CSMD3: variants seen among roughly 807,000 people sequenced by gnomAD.
The protein encoded by CSMD3 is CUB and Sushi multiple domains 3, also known as CUB and sushi domain-containing protein 3.
Under a neutral mutation model 435.2 loss-of-function variants are expected in CSMD3, and 177 were observed. The observed-to-expected ratio is 0.41, with a 90% CI of 0.36 to 0.46. The LOEUF (loss-of-function observed/expected upper bound fraction) is 0.46, where lower values mean the gene tolerates loss of function less well. Ranked by LOEUF, CSMD3 falls within the 20% of genes least tolerant of loss-of-function variation. The probability of loss-of-function intolerance (pLI) is 0.34; values close to 1 mark genes in which losing one functional copy is unlikely to be tolerated. For synonymous variants in CSMD3, 1,656 were observed against 1,520.5 expected, an observed-to-expected ratio of 1.09 and a Z score of -2.07; for missense variants, 4,265 against 4,504.6, an observed-to-expected ratio of 0.95 and a Z score of 1.52.
intron 50 of CSMD3, among the ~76,000 whole-genome samples, chr8:112,308,634 T>A (rs1023397052): frequency 6.6e-6 from 1 of 152,020 alleles, no homozygotes; most frequent in African/African-American, 2.4e-5. Context: ...GAATACAAAG[T>A]GAGTTTCCAC....
intron 4 of CSMD3, among the ~76,000 whole-genome samples, chr8:113,121,306 ATCT>A (rs1272161680): frequency 6.6e-6 from 1 of 152,092 alleles, no homozygotes; most frequent in Non-Finnish European, 1.5e-5. Flanking sequence ...AGGGGGAAGC[ATCT>A]TCTTCTCTTG....
chr8:113,323,599 T>C (rs747506811), intron 1 of CSMD3, among the ~76,000 whole-genome samples: 59 of 152,180 alleles, frequency 3.9e-4, no homozygotes, highest in Non-Finnish European at 4.4e-4. Flanking sequence ...AATGTACTTA[T>C]AAAAAGTATC....
chr8:113,395,502 G>A (rs1010050566), intron 1 of CSMD3, among the ~76,000 whole-genome samples: 1 of 151,684 alleles, frequency 6.6e-6, no homozygotes, highest in Non-Finnish European at 1.5e-5. Flanking sequence ...CCAGCTATTC[G>A]GGAGGCTGAG....
chr8:113,100,223 C>T lies in CSMD3; in HGVS notation c.710-1260G>A, dbSNP rs540454469. ...AAATATATTTAACTTTTATCACACACTAAATATATTTTTTAAAAATTTTAT... is the reference window on the plus strand; with the variant it reads ...AAATATATTTAACTTTTATCACACATTAAATATATTTTTTAAAAATTTTAT... On this transcript the variant is annotated intron_variant, in intron 4 of 70. Transcript: ENST00000297405. Among the ~76,000 whole-genome samples, 3 of 152,148 alleles carry T rather than the reference C, an allele frequency of 2.0e-5. No individual in the cohort carries two copies. In the South Asian group the frequency reaches 6.2e-4, roughly 32 times the overall value.
At chr8:113,077,376 G>A (rs2089386208) in intron 5 of CSMD3, among the ~76,000 whole-genome samples, 2 of 151,870 alleles carry the variant, frequency 1.3e-5, no homozygotes, top group South Asian at 4.2e-4. Flanking sequence ...TTTAAAAACA[G>A]TTATAAAAAA....
intron 59 of CSMD3, among the ~76,000 whole-genome samples, chr8:112,273,521 C>G (rs992972483): frequency 2.6e-5 from 4 of 151,716 alleles, no homozygotes; most frequent in Non-Finnish European, 4.4e-5. Flanking sequence ...GTCAGGAGAT[C>G]GAGACCATCC....
In CSMD3 at chr8:113,357,881, G is replaced by A. The variant is rs113583101; in HGVS notation, c.179-43088C>T. 3.5e-3 allele frequency among the ~76,000 whole-genome samples: 537 copies of A among 152,236 alleles called. 2 individuals are homozygous for A. The highest frequency in any genetic ancestry group is 0.012 in the African/African-American group (500 of 41,542). On this transcript the variant is annotated intron_variant, in intron 1 of 70. Transcript: ENST00000297405. ...TTTCCCTTTGCCTTCTGCCATGATT[G>A]TAAGTTTACTGAGGCCTCCCCAGCC...
rs2130410504 is a variant in CSMD3 at position 112,265,442 on chromosome 8, G to A, written c.9657C>T (p.Gly3219=). Residue 3219 remains glycine (G), a synonymous_variant, in exon 60 of 71, where the codon GGC becomes GGT. Transcript: ENST00000297405. ...GSRIRTCTIN[G]TWSGVMPTCR... Reference sequence around the variant, plus strand: ...AAGTTGGCATTACTCCACTCCATGTGCCATTAATTGTACAAGTCCTGATTC... The same window carrying A: ...AAGTTGGCATTACTCCACTCCATGTACCATTAATTGTACAAGTCCTGATTC... 1 of 1,613,540 alleles carries A rather than the reference G, an allele frequency of 6.2e-7. No individual in the cohort carries two copies. The highest frequency in any genetic ancestry group is 8.5e-7 in the Non-Finnish European group (1 of 1,179,590).
intron 22 of CSMD3, among the ~76,000 whole-genome samples, chr8:112,613,353 A>G (rs1447573924): frequency 6.6e-6 from 1 of 152,198 alleles, no homozygotes; most frequent in African/African-American, 2.4e-5. Context: ...ATAAATGGAA[A>G]GGAGAAATCC....
intron 3 of CSMD3, among the ~76,000 whole-genome samples, chr8:113,217,012 G>C (rs2092913353): frequency 6.6e-6 from 1 of 151,798 alleles, no homozygotes; most frequent in South Asian, 2.1e-4. Context: ...CCATGCAATT[G>C]TTGGAGTTCA....
At chr8:113,188,660 T>G (rs542136969) in intron 3 of CSMD3, among the ~76,000 whole-genome samples, 7 of 152,098 alleles carry the variant, frequency 4.6e-5, no homozygotes, top group African/African-American at 1.4e-4. Flanking sequence ...GTAGAAGGGC[T>G]TGTTCCAGTT....
chr8:113,212,989 G>A (rs1188575932), intron 3 of CSMD3, among the ~76,000 whole-genome samples: 2 of 150,680 alleles, frequency 1.3e-5, no homozygotes, highest in Non-Finnish European at 2.9e-5. Context: ...GGGACAGAGT[G>A]CTCACCATTA....
intron 53 of CSMD3, among the ~76,000 whole-genome samples, chr8:112,296,356 C>T (rs1385068173): frequency 1.3e-5 from 2 of 151,970 alleles, no homozygotes; most frequent in African/African-American, 2.4e-5. Flanking sequence ...TTGAGACCAT[C>T]CTGGCTAACA....
chr8:112,988,867 T>C (rs975793602), intron 6 of CSMD3, among the ~76,000 whole-genome samples: 3 of 152,048 alleles, frequency 2.0e-5, no homozygotes, highest in African/African-American at 7.2e-5. Context: ...GCATATTCCA[T>C]GATAAGCAAT....
In CSMD3 at chr8:112,244,505, C is replaced by G. The variant is rs1814507525; in HGVS notation, c.10291G>C (p.Gly3431Arg). 6.2e-7 allele frequency: 1 copy of G among 1,613,156 alleles called. No homozygotes were observed. The highest frequency in any genetic ancestry group is 8.5e-7 in the Non-Finnish European group (1 of 1,179,182). The change falls in exon 65 of 71, where the codon GGG becomes CGG. Residue 3431 changes from glycine to arginine, a missense_variant. Gly to Arg is a moderately radical substitution (Grantham distance 125). This residue lies in a region of CSMD3 where 3,255 missense variants were observed against 3,380.2 expected (regional missense o/e 0.96). Coordinates refer to ENST00000297405, the MANE Select transcript of CSMD3 (RefSeq NM_198123.2). ...TGACAGGTATAAATCAGTGTATACCCATGAGATGGAAGGTCCATCCCTACG... is the reference window on the plus strand; with the variant it reads ...TGACAGGTATAAATCAGTGTATACCGATGAGATGGAAGGTCCATCCCTACG... ...NVVGMDLPSH[G>R]YTLIYTCQPG...
At chr8:112,786,625 AAAG>A (rs1455078726) in intron 13 of CSMD3, among the ~76,000 whole-genome samples, 1 of 152,292 alleles carries the variant, frequency 6.6e-6, no homozygotes, top group African/African-American at 2.4e-5. Context: ...ATATTTCTCA[AAAG>A]AAGACATGCA....
chr8:112,606,653 C>T (rs113648547), intron 22 of CSMD3, among the ~76,000 whole-genome samples: 18 of 151,996 alleles, frequency 1.2e-4, no homozygotes, highest in African/African-American at 4.3e-4. Context: ...AAAACAAGTC[C>T]GAACAAATTC....
intron 47 of CSMD3, among the ~76,000 whole-genome samples, chr8:112,317,999 A>AG (rs998502757): frequency 3.9e-5 from 6 of 152,084 alleles, no homozygotes; most frequent in Admixed American, 3.9e-4. Flanking sequence ...TTCTGGGCCT[A>AG]GGGGCTACAC....
chr8:113,336,215 G>T (rs1004522052), intron 1 of CSMD3, among the ~76,000 whole-genome samples: 1 of 151,450 alleles, frequency 6.6e-6, no homozygotes, highest in Non-Finnish European at 1.5e-5. Context: ...CAATAATTGA[G>T]CTTTTCATAC....
Sources: gnomAD v4.1 joint callset for allele counts (sites outside exome capture counted in the v4.1 genomes callset) on GRCh38, gnomAD v4.1.1 for gene constraint, gnomAD v4.1.1 regional missense constraint, MANE v1.5 for transcripts, NCBI Gene and HGNC (gene_info 2026-07-23, HGNC 2026-07-21) for gene names.